The following GLRA3 variants were observed in gnomAD, a reference collection of about 807,000 sequenced individuals.
GLRA3 encodes glycine receptor alpha 3, also known as glycine receptor subunit alpha-3.
A neutral mutation model predicts 60.4 loss-of-function variants in GLRA3; 44 were observed. The ratio of observed to expected loss-of-function variants is 0.73; its 90% CI spans 0.57 to 0.94. The LOEUF (loss-of-function observed/expected upper bound fraction) is 0.94, where lower values mean the gene tolerates loss of function less well. Among genes scored for constraint, GLRA3 ranks in the 40% least tolerant of loss-of-function variants. The pLI, the probability that GLRA3 is intolerant of heterozygous loss-of-function variation, is 0.00. For missense variants in GLRA3, 508 were observed against 564.6 expected, an observed-to-expected ratio of 0.90 and a Z score of 1.02; for synonymous variants, 223 against 192.9, an observed-to-expected ratio of 1.16 and a Z score of -1.29.
rs765420954 is a variant in GLRA3 at position 174,728,656 on chromosome 4, G to T, written c.310C>A (p.Pro104Thr). The change falls in exon 4 of 10, where the codon CCC becomes ACC. Residue 104 changes from proline (P) to threonine (T), a missense_variant. Coordinates refer to ENST00000274093, the MANE Select transcript of GLRA3 (RefSeq NM_006529.4). ...NIFLRQKWNDPRLAYSEYPDD... is the reference protein window; with the variant it reads ...NIFLRQKWNDTRLAYSEYPDD... ...GGATATTCACTGTACGCGAGGCGGG[G>T]ATCATTCCATTTCTGACGAAGAAAG... is the stretch of plus-strand genomic sequence containing the variant. 1 of 1,609,758 alleles carries T rather than the reference G, an allele frequency of 6.2e-7. No individual in the cohort carries two copies. The highest frequency in any genetic ancestry group is 1.1e-5 in the South Asian group (1 of 90,946).
intron 4 of GLRA3, among the ~76,000 whole-genome samples, chr4:174,717,346 G>A (rs1403459339): frequency 1.4e-5 from 2 of 141,362 alleles, no homozygotes; most frequent in East Asian, 4.1e-4. Flanking sequence ...AAAGAAAGGA[G>A]GGAGGAAAGA....
Position 174,647,907 on chromosome 4 carries a change from T to C in GLRA3, c.1117-3843A>G, listed in dbSNP as rs1732887136. ...TCAATAACCACATGAGGCTAGTAGC[T>C]ACCAAATTGGACAAAGCATAAAGAA... On this transcript the variant is annotated intron_variant, in intron 9 of 9. Coordinates refer to ENST00000274093, the MANE Select transcript of GLRA3 (RefSeq NM_006529.4). Among the ~76,000 whole-genome samples, 3 of 152,188 alleles carry C rather than the reference T, an allele frequency of 2.0e-5. No homozygotes were observed. The South Asian group carries it at 6.2e-4, about 32-fold the overall frequency.
intron 5 of GLRA3, among the ~76,000 whole-genome samples, chr4:174,689,810 T>G (rs1734721960): frequency 7.7e-6 from 1 of 130,574 alleles, no homozygotes; most frequent in Non-Finnish European, 1.6e-5. Context: ...TATGCTGTCT[T>G]CAAGAGACCT....
intron 1 of GLRA3, among the ~76,000 whole-genome samples, chr4:174,828,105 A>G (rs1741051469): frequency 6.6e-6 from 1 of 152,178 alleles, no homozygotes; most frequent in African/African-American, 2.4e-5. Context: ...ATGACATGTC[A>G]TAGAACAATT....
rs778122075 is a variant in GLRA3, at chr4:174,715,479, C to T, written c.574+9G>A. Reference sequence around the variant, plus strand: ...AAAGTATTTTAAAAAGTAAGTGGTTCATACTTACAGCTTTCCAGTTGCATT... The same window carrying T: ...AAAGTATTTTAAAAAGTAAGTGGTTTATACTTACAGCTTTCCAGTTGCATT... On this transcript the variant is annotated intron_variant, in intron 5 of 9. Transcript: ENST00000274093. The T allele has an allele frequency of 2.2e-6, 3 of 1,340,086 alleles. No homozygotes were observed. The highest frequency in any genetic ancestry group is 3.5e-5 in the Admixed American group (2 of 56,682). 83.0% of individuals were successfully genotyped at this position (1,340,086 alleles called of 1,614,324 possible). A position where few individuals can be genotyped will look rare whatever the true frequency, so the allele number is the denominator to read the frequency against.
intron 7 of GLRA3, among the ~76,000 whole-genome samples, chr4:174,664,321 C>T (rs1276608244): frequency 6.6e-6 from 1 of 152,086 alleles, no homozygotes; most frequent in African/African-American, 2.4e-5. Context: ...CCAGGTTCTT[C>T]CTTCACGGCA....
intron 3 of GLRA3, among the ~76,000 whole-genome samples, chr4:174,731,350 G>A (rs1736537998): frequency 6.6e-6 from 1 of 152,102 alleles, no homozygotes; most frequent in African/African-American, 2.4e-5. Flanking sequence ...CAAGTAAACG[G>A]ACAGTCAAAA....
At chr4:174,798,658 C>T (rs1161582869) in intron 1 of GLRA3, among the ~76,000 whole-genome samples, 2 of 152,250 alleles carry the variant, frequency 1.3e-5, no homozygotes, top group African/African-American at 4.8e-5. Context: ...GGCGCGGTGG[C>T]TCATGCCTGT....
chr4:174,663,956 C>T (rs571377357), intron 7 of GLRA3, among the ~76,000 whole-genome samples: 7 of 152,262 alleles, frequency 4.6e-5, no homozygotes, highest in African/African-American at 1.7e-4. Flanking sequence ...TCTGTGAATA[C>T]CAGTGTCTAT....
intron 3 of GLRA3, among the ~76,000 whole-genome samples, chr4:174,760,542 A>T (rs1421877979): frequency 1.3e-5 from 2 of 151,298 alleles, no homozygotes; most frequent in African/African-American, 4.9e-5. Flanking sequence ...TTTTTTTGAG[A>T]GGGAGTCTGG....
chr4:174,809,443 G>T (rs1405790353), intron 1 of GLRA3, among the ~76,000 whole-genome samples: 2 of 152,140 alleles, frequency 1.3e-5, no homozygotes, highest in African/African-American at 4.8e-5. Flanking sequence ...ATTTAAAAAT[G>T]ATTGCTTAGC....
At chr4:174,739,734 A>G (rs1373370750) in intron 3 of GLRA3, among the ~76,000 whole-genome samples, 2 of 152,186 alleles carry the variant, frequency 1.3e-5, no homozygotes, top group South Asian at 4.1e-4. Context: ...AGGAAGCGGT[A>G]TGAAAAGGCT....
At chr4:174,783,078 G>T (rs946579071) in intron 2 of GLRA3, among the ~76,000 whole-genome samples, 1 of 152,122 alleles carries the variant, frequency 6.6e-6, no homozygotes, top group African/African-American at 2.4e-5. Context: ...ATACTACAAG[G>T]CTACAGTAAA....
At chr4:174,694,369 T>C (rs916786458) in intron 5 of GLRA3, among the ~76,000 whole-genome samples, 1 of 152,002 alleles carries the variant, frequency 6.6e-6, no homozygotes, top group East Asian at 1.9e-4. Context: ...TTAAAACTAA[T>C]GAAATCATAC....
At chr4:174,728,027 G>C (rs576567229) in intron 4 of GLRA3, among the ~76,000 whole-genome samples, 4 of 152,214 alleles carry the variant, frequency 2.6e-5, no homozygotes, top group Non-Finnish European at 4.4e-5. Context: ...AGAATGACCA[G>C]AGAAGCTCAA....
chr4:174,695,628 CATT>C lies in GLRA3; in HGVS notation c.575-12692_575-12690del, dbSNP rs573754078. Among the ~76,000 whole-genome samples the C allele has an allele frequency of 4.6e-3, 707 of 152,170 alleles. 2 individuals carry two copies. Among genetic ancestry groups the C allele is most frequent in the Admixed American group, 8.4e-3 (129 of 15,282 alleles). On this transcript the variant is annotated intron_variant, in intron 5 of 9. Coordinates refer to ENST00000274093, the MANE Select transcript of GLRA3 (RefSeq NM_006529.4). ...CCATCTCTGACAAACCTGCAGCCAA[CATT>C]ATACTGAATGGTCAAAAGCTGGAAG...
At chr4:174,713,055 A>T (rs1735781683) in intron 5 of GLRA3, among the ~76,000 whole-genome samples, 1 of 152,086 alleles carries the variant, frequency 6.6e-6, no homozygotes, top group Non-Finnish European at 1.5e-5. Flanking sequence ...GCCTTGAAGA[A>T]CTTGACTTCA....
intron 7 of GLRA3, among the ~76,000 whole-genome samples, chr4:174,674,712 G>C (rs190768030): frequency 1.3e-5 from 2 of 152,130 alleles, no homozygotes; most frequent in African/African-American, 4.8e-5. Context: ...TTTCCTGAAT[G>C]TAACTTTGTT....
At chr4:174,662,766 T>A (rs905501242) in intron 7 of GLRA3, among the ~76,000 whole-genome samples, 1 of 152,120 alleles carries the variant, frequency 6.6e-6, no homozygotes, top group Non-Finnish European at 1.5e-5. Flanking sequence ...AATCTCATGG[T>A]ACCTGTGCTG....
Sources: allele counts gnomAD v4.1 joint callset (sites outside exome capture counted in the v4.1 genomes callset), GRCh38; gene constraint gnomAD v4.1.1; transcripts MANE v1.5; gene names NCBI Gene and HGNC (gene_info 2026-07-23, HGNC 2026-07-21).